Variants in SMOC2 observed in about 807,000 individuals in gnomAD.
SMOC2 encodes the protein SPARC related modular calcium binding 2, also known as SPARC-related modular calcium-binding protein 2.
Under a neutral mutation model 61.4 loss-of-function variants are expected in SMOC2, and 39 were observed. That is an observed-to-expected ratio of 0.64 (90% confidence interval 0.49 to 0.83). The LOEUF is 0.83. SMOC2 is among the 40% of genes least tolerant of loss of function. The pLI, the probability that SMOC2 is intolerant of heterozygous loss-of-function variation, is 0.00. For missense variants in SMOC2, 556 were observed against 592.9 expected, an observed-to-expected ratio of 0.94 and a Z score of 0.65; for synonymous variants, 247 against 239.9, an observed-to-expected ratio of 1.03 and a Z score of -0.27.
chr6:168,571,718 C>T (rs78588063), intron 7 of SMOC2, among the ~76,000 whole-genome samples: 3,172 of 152,228 alleles, frequency 0.021, 56 homozygotes, highest in Non-Finnish European at 0.035. Flanking sequence ...TTCCTGGGGA[C>T]TCATGGAGGT....
chr6:168,602,856 T>C (rs1785587024), intron 8 of SMOC2, among the ~76,000 whole-genome samples: 1 of 152,136 alleles, frequency 6.6e-6, no homozygotes, highest in African/African-American at 2.4e-5. Context: ...GTAGCCACAG[T>C]GGCTGGGGAG....
intron 9 of SMOC2, among the ~76,000 whole-genome samples, chr6:168,623,868 C>T (rs1053898306): frequency 2.0e-5 from 3 of 152,108 alleles, no homozygotes; most frequent in African/African-American, 7.2e-5. Flanking sequence ...CTGATGCGTG[C>T]TGAGGCCTGG....
At chr6:168,548,523 A>AT (rs1554238276) in intron 6 of SMOC2, among the ~76,000 whole-genome samples, 1,247 of 31,124 alleles carry the variant, frequency 0.04, 7 homozygotes, top group South Asian at 0.12. Flanking sequence ...ACCCCTGGCT[A>AT]TTTTTTTTTT....
At chr6:168,464,472 G>T (rs1392459175) in intron 1 of SMOC2, among the ~76,000 whole-genome samples, 1 of 152,080 alleles carries the variant, frequency 6.6e-6, no homozygotes, top group Non-Finnish European at 1.5e-5. Flanking sequence ...ACTGTGAAAG[G>T]GTAGACAGGT....
chr6:168,633,427 G>A (rs781484612), intron 9 of SMOC2, among the ~76,000 whole-genome samples: 12 of 152,120 alleles, frequency 7.9e-5, no homozygotes, highest in Non-Finnish European at 1.5e-4. Context: ...CACATGGCTC[G>A]CTGCACACCG....
chr6:168,513,980 G>A (rs972066088), intron 2 of SMOC2, among the ~76,000 whole-genome samples: 8 of 151,998 alleles, frequency 5.3e-5, no homozygotes, highest in African/African-American at 9.7e-5. Flanking sequence ...GCCCTCCGGG[G>A]TGGCAGGACA....
At chr6:168,655,898 A>G (rs1272984966) in intron 11 of SMOC2, among the ~76,000 whole-genome samples, 4 of 151,638 alleles carry the variant, frequency 2.6e-5, no homozygotes, top group Admixed American at 1.3e-4. Context: ...TGTGTGTGCT[A>G]GATCCCACTG....
At chr6:168,458,129 G>A (rs1169169936) in intron 1 of SMOC2, among the ~76,000 whole-genome samples, 2 of 152,214 alleles carry the variant, frequency 1.3e-5, no homozygotes, top group African/African-American at 4.8e-5. Context: ...CCCAGAGGCC[G>A]GGCTGTGGTG....
intron 11 of SMOC2, among the ~76,000 whole-genome samples, chr6:168,657,915 G>T (rs1359415884): frequency 6.6e-6 from 1 of 152,186 alleles, no homozygotes; most frequent in South Asian, 2.1e-4. Flanking sequence ...CTGTATTAGG[G>T]ATTGAGTTTC....
chr6:168,454,091 C>T (rs1311669593), intron 1 of SMOC2, among the ~76,000 whole-genome samples: 2 of 151,962 alleles, frequency 1.3e-5, no homozygotes, highest in Non-Finnish European at 2.9e-5. Flanking sequence ...CATCTATTTC[C>T]CTATCTTTAT....
chr6:168,639,977 A>G (rs2115259767), intron 9 of SMOC2, among the ~76,000 whole-genome samples: 2 of 152,196 alleles, frequency 1.3e-5, no homozygotes, highest in South Asian at 4.2e-4. Context: ...CTCTGCCATC[A>G]CCTTTGCCTG....
intron 9 of SMOC2, among the ~76,000 whole-genome samples, chr6:168,621,037 G>T (rs1011865399): frequency 2.6e-5 from 4 of 152,090 alleles, no homozygotes; most frequent in African/African-American, 9.7e-5. Context: ...AAACCCCTAG[G>T]ATGTTTTCTC....
chr6:168,598,763 A>G, intron 7 of SMOC2, 55 bp from the exon 8 acceptor site: 1 of 1,583,834 alleles, frequency 6.3e-7, no homozygotes, highest in Non-Finnish European at 8.6e-7. Context: ...AGAGCTCTGC[A>G]TGTGGGACGA....
At chr6:168,523,069 T>C (rs1783366941) in intron 2 of SMOC2, among the ~76,000 whole-genome samples, 1 of 135,078 alleles carries the variant, frequency 7.4e-6, no homozygotes, top group African/African-American at 2.6e-5. Context: ...TTATTTGTAG[T>C]TGTACAGTAA....
At chr6:168,624,464 G>A (rs1031176088) in intron 9 of SMOC2, among the ~76,000 whole-genome samples, 1 of 152,196 alleles carries the variant, frequency 6.6e-6, no homozygotes, top group Non-Finnish European at 1.5e-5. Flanking sequence ...GAAGAGAATT[G>A]TTATGAAGTT....
In SMOC2 at chr6:168,527,939, G is replaced by A. The variant is rs74719114; in HGVS notation, c.463+212G>A. 3.2e-3 allele frequency among the ~76,000 whole-genome samples: 489 copies of A among 152,356 alleles called. 6 individuals are homozygous for A. Among genetic ancestry groups the A allele is most frequent in the East Asian group, 0.032 (165 of 5,188 alleles). ...AGGGGAAGGGTGAAGCTGTGTGAAT[G>A]TATGCATATGGCTGGAGGCCAGCTT... On this transcript the variant is annotated intron_variant, in intron 4 of 12. Transcript: ENST00000356284.
chr6:168,531,813 T>C (rs1051318189), intron 4 of SMOC2, among the ~76,000 whole-genome samples: 1 of 152,188 alleles, frequency 6.6e-6, no homozygotes, highest in Admixed American at 6.5e-5. Flanking sequence ...TAAACCTACA[T>C]CTTTGTCTCC....
At chr6:168,472,151 G>A (rs1275946744) in intron 1 of SMOC2, among the ~76,000 whole-genome samples, 2 of 152,140 alleles carry the variant, frequency 1.3e-5, no homozygotes, top group Admixed American at 6.5e-5. Context: ...TTTCCTCCAT[G>A]TTTTCTTCTA....
At chr6:168,524,076 T>C (rs1583079226) in intron 2 of SMOC2, among the ~76,000 whole-genome samples, 3 of 152,170 alleles carry the variant, frequency 2.0e-5, no homozygotes, top group African/African-American at 7.2e-5. Context: ...TAGAGTGATA[T>C]TGAGAACACA....
Sources: gnomAD v4.1 joint callset for allele counts (sites outside exome capture counted in the v4.1 genomes callset) on GRCh38, gnomAD v4.1.1 for gene constraint, MANE v1.5 for transcripts, NCBI Gene and HGNC (gene_info 2026-07-23, HGNC 2026-07-21) for gene names.